JAZF1: variants seen among roughly 807,000 people sequenced by gnomAD.
JAZF1 encodes juxtaposed with another zinc finger protein 1.
A neutral mutation model predicts 26.4 loss-of-function variants in JAZF1; 8 were observed. The observed-to-expected ratio is 0.30, with a 90% CI of 0.18 to 0.55. The LOEUF (loss-of-function observed/expected upper bound fraction) is 0.55, where lower values mean the gene tolerates loss of function less well. Ranked by LOEUF, JAZF1 falls within the 20% of genes least tolerant of loss-of-function variation. The pLI, the probability that JAZF1 is intolerant of heterozygous loss-of-function variation, is 0.94. For synonymous variants in JAZF1, 126 were observed against 122.3 expected, an observed-to-expected ratio of 1.03 and a Z score of -0.20; for missense variants, 199 against 322.0, an observed-to-expected ratio of 0.62 and a Z score of 2.92.
chr7:28,053,220 G>A (rs1294722535), intron 1 of JAZF1, among the ~76,000 whole-genome samples: 1 of 152,156 alleles, frequency 6.6e-6, no homozygotes, highest in Non-Finnish European at 1.5e-5. Context: ...CCACTCATCT[G>A]CTGATGGATA....
intron 3 of JAZF1, among the ~76,000 whole-genome samples, chr7:27,869,592 C>T (rs982799757): frequency 1.3e-5 from 2 of 152,120 alleles, no homozygotes; most frequent in African/African-American, 4.8e-5. Context: ...GTGTGGTGAT[C>T]CCATGCAGGA....
chr7:27,992,045 A>T (rs547862114), intron 1 of JAZF1, 64 bp from the exon 2 acceptor site: 1 of 911,878 alleles, frequency 1.1e-6, no homozygotes, highest in Non-Finnish European at 1.8e-6. Flanking sequence ...AGGCTACCTA[A>T]CACAAAGTAA....
At chr7:27,846,197 T>A (rs890057375) in intron 3 of JAZF1, among the ~76,000 whole-genome samples, 1 of 152,094 alleles carries the variant, frequency 6.6e-6, no homozygotes, top group African/African-American at 2.4e-5. Context: ...ATAAGTGAGA[T>A]CATGTACTAT....
intron 3 of JAZF1, among the ~76,000 whole-genome samples, chr7:27,877,180 A>G (rs1024569582): frequency 3.9e-5 from 6 of 152,206 alleles, no homozygotes; most frequent in Admixed American, 1.3e-4. Flanking sequence ...GGAAAGGGGA[A>G]CGAGAGAGCT....
intron 3 of JAZF1, among the ~76,000 whole-genome samples, chr7:27,846,744 T>C (rs1438193921): frequency 2.6e-5 from 4 of 152,254 alleles, no homozygotes; most frequent in Non-Finnish European, 5.9e-5. Context: ...TGGCCATTTT[T>C]ATGGTTTCTT....
chr7:27,840,848 C>G lies in JAZF1; in HGVS notation c.405G>C (p.Glu135Asp), dbSNP rs1325489495. The G allele has an allele frequency of 1.2e-6, 2 of 1,614,122 alleles. No homozygotes were observed. Among genetic ancestry groups the G allele is most frequent in the East Asian group, 2.2e-5 (1 of 44,888 alleles). The change falls in exon 4 of 5, where the codon GAG becomes GAC. Residue 135 changes from glutamate to aspartate, a missense_variant. Physicochemically the swap from Glu to Asp is conservative, Grantham distance 45. Transcript: ENST00000283928. The surrounding 1 kb of genome is among the most constrained non-coding windows in gnomAD (Gnocchi z 5.1). Reference protein sequence around the residue: ...STPTGSEYDEEEVDYEESDSD... With the variant: ...STPTGSEYDEDEVDYEESDSD... ...TGTCCGACTCCTCATAGTCCACCTC[C>G]TCCTCGTCATACTCGCTGCCTGCAG...
intron 1 of JAZF1, among the ~76,000 whole-genome samples, chr7:28,029,371 C>G (rs926727244): frequency 1.3e-5 from 2 of 152,170 alleles, no homozygotes; most frequent in African/African-American, 4.8e-5. Flanking sequence ...AGATATCTGA[C>G]ACATCACACT....
chr7:27,831,922 TCACA>T lies in JAZF1; in HGVS notation c.*874_*877del, dbSNP rs747779021. The T allele has an allele frequency of 4.6e-6, 1 of 218,506 alleles. No homozygotes were observed. The highest frequency in any genetic ancestry group is 9.2e-6 in the Non-Finnish European group (1 of 108,520). The allele number at this position is 218,506 out of a possible 1,614,324, so 13.5% of individuals were successfully genotyped here. A position where few individuals can be genotyped will look rare whatever the true frequency, so the allele number is the denominator to read the frequency against. ...CTGAAGATGAAGATATAACTAAACT[TCACA>T]CACACACACTTTGCACTGAAGTATT... On this transcript the variant is annotated 3_prime_UTR_variant, in exon 5 of 5. Transcript: ENST00000283928.
intron 2 of JAZF1, among the ~76,000 whole-genome samples, chr7:27,942,011 T>C (rs1038026769): frequency 6.6e-6 from 1 of 152,318 alleles, no homozygotes; most frequent in South Asian, 2.1e-4. Flanking sequence ...AATAAATCAC[T>C]TCATCAGAAA....
intron 1 of JAZF1, among the ~76,000 whole-genome samples, chr7:28,147,786 G>T (rs893909540): frequency 2.0e-5 from 3 of 151,910 alleles, no homozygotes; most frequent in Non-Finnish European, 4.4e-5. Flanking sequence ...GGAGTGGGCT[G>T]GGGGGAGGGG....
At chr7:28,016,942 G>A (rs60129883) in intron 1 of JAZF1, among the ~76,000 whole-genome samples, 7,082 of 152,276 alleles carry the variant, frequency 0.047, 266 homozygotes, top group African/African-American at 0.098. Flanking sequence ...ACATCACTAA[G>A]TATACATTGT....
chr7:28,065,834 C>T (rs1175682346), intron 1 of JAZF1, among the ~76,000 whole-genome samples: 3 of 152,036 alleles, frequency 2.0e-5, no homozygotes, highest in African/African-American at 4.8e-5. Context: ...TGTGTGTTAG[C>T]GATTACAGCC....
At chr7:28,166,404 TAA>T (rs1399084582) in intron 1 of JAZF1, among the ~76,000 whole-genome samples, 1 of 152,222 alleles carries the variant, frequency 6.6e-6, no homozygotes, top group Non-Finnish European at 1.5e-5. Context: ...GGACTATTAT[TAA>T]AGAGATGCAC....
intron 3 of JAZF1, among the ~76,000 whole-genome samples, chr7:27,890,049 ATTAT>A (rs1206058883): frequency 6.6e-6 from 1 of 152,166 alleles, no homozygotes; most frequent in Non-Finnish European, 1.5e-5. Flanking sequence ...TGAAATGGTC[ATTAT>A]TTATTTATTG....
chr7:27,985,608 C>G (rs1422937424), intron 2 of JAZF1, among the ~76,000 whole-genome samples: 5 of 152,140 alleles, frequency 3.3e-5, no homozygotes, highest in Non-Finnish European at 7.4e-5. Context: ...TTTTATGAGG[C>G]CAGCATCATC....
intron 1 of JAZF1, among the ~76,000 whole-genome samples, chr7:28,030,953 A>G (rs968254267): frequency 2.6e-5 from 4 of 152,172 alleles, no homozygotes; most frequent in African/African-American, 9.7e-5. Context: ...TCCTTGTGTC[A>G]TTATTCATAC....
chr7:27,923,748 C>G (rs1562530359), intron 2 of JAZF1, among the ~76,000 whole-genome samples: 1 of 152,196 alleles, frequency 6.6e-6, no homozygotes. Flanking sequence ...ATTTGCATAT[C>G]GTCAGCACAG....
At chr7:28,081,525 T>G (rs556666110) in intron 1 of JAZF1, among the ~76,000 whole-genome samples, 1 of 152,332 alleles carries the variant, frequency 6.6e-6, no homozygotes, top group South Asian at 2.1e-4. Flanking sequence ...GCTGGGGTTT[T>G]GGGGACTTGA....
chr7:28,064,864 A>G (rs537868208), intron 1 of JAZF1, among the ~76,000 whole-genome samples: 1 of 152,306 alleles, frequency 6.6e-6, no homozygotes, highest in South Asian at 2.1e-4. Context: ...TTAACAGGAT[A>G]TCTTAAATTC....
Sources: allele counts gnomAD v4.1 joint callset (sites outside exome capture counted in the v4.1 genomes callset), GRCh38; gene constraint gnomAD v4.1.1; non-coding constraint Gnocchi (gnomAD v3.1); transcripts MANE v1.5; gene names NCBI Gene and HGNC (gene_info 2026-07-23, HGNC 2026-07-21).